OSBPL9: variants seen among roughly 807,000 people sequenced by gnomAD.
OSBPL9 encodes oxysterol-binding protein-related protein 9.
A neutral mutation model predicts 106.6 loss-of-function variants in OSBPL9; 40 were observed. The ratio of observed to expected loss-of-function variants is 0.38; its 90% confidence interval spans 0.29 to 0.49. The LOEUF is 0.49. Ranked by LOEUF, OSBPL9 falls within the 20% of genes least tolerant of loss-of-function variation. The pLI is 0.97. For missense variants in OSBPL9, 609 were observed against 887.2 expected (o/e 0.69, Z 3.98); for synonymous variants, 269 against 295.4 (o/e 0.91, Z 0.92).
At chr1:51,646,554 T>C (rs1646166678) in intron 1 of OSBPL9, among the ~76,000 whole-genome samples, 1 of 152,198 alleles carries the variant, frequency 6.6e-6, no homozygotes, top group Non-Finnish European at 1.5e-5. Flanking sequence ...TTGTTGTTTT[T>C]TGTTTTTGAG....
intron 15 of OSBPL9, among the ~76,000 whole-genome samples, chr1:51,779,038 C>G (rs1675704946): frequency 6.6e-6 from 1 of 152,070 alleles, no homozygotes; most frequent in Non-Finnish European, 1.5e-5. Context: ...ATACTAGAAA[C>G]CAGAAGCAGT....
chr1:51,765,019 C>A (rs999816920), intron 11 of OSBPL9, among the ~76,000 whole-genome samples: 1 of 152,114 alleles, frequency 6.6e-6, no homozygotes, highest in East Asian at 1.9e-4. Flanking sequence ...GACTGACAGC[C>A]CTTAAATGCT....
At chr1:51,522,535 C>G in the OSBPL9 span, among the ~76,000 whole-genome samples, 1 of 152,092 alleles carries the variant, frequency 6.6e-6, no homozygotes, top group African/African-American at 2.4e-5. Context: ...TAATGACAAA[C>G]CAATGACAAT....
intron 15 of OSBPL9, among the ~76,000 whole-genome samples, chr1:51,778,217 C>T (rs146664965): frequency 2.2e-4 from 34 of 152,194 alleles, no homozygotes; most frequent in Admixed American, 9.8e-4. Flanking sequence ...CATACAAATA[C>T]TCCATTAATT....
At chr1:51,706,656 T>TTA (rs200805696) in intron 3 of OSBPL9, among the ~76,000 whole-genome samples, 137 of 150,032 alleles carry the variant, frequency 9.1e-4, no homozygotes, top group Middle Eastern at 3.5e-3. Context: ...CTTTTTGCTT[T>TTA]TATATATATA....
chr1:51,537,583 G>T, the OSBPL9 span, among the ~76,000 whole-genome samples: 3 of 152,076 alleles, frequency 2.0e-5, no homozygotes, highest in South Asian at 4.1e-4. Flanking sequence ...CAGAGACAGG[G>T]TCTCACTCTG....
At chr1:51,563,528 A>G in the OSBPL9 span, 1 of 152,296 alleles carries the variant, frequency 6.6e-6, no homozygotes, top group Non-Finnish European at 1.5e-5. Context: ...GGAAGGGAAG[A>G]TGACCACAGG....
At chr1:51,759,176 G>C (rs1286524724) in intron 9 of OSBPL9, among the ~76,000 whole-genome samples, 2 of 151,198 alleles carry the variant, frequency 1.3e-5, no homozygotes, top group African/African-American at 4.9e-5. Context: ...TCATTTTTCA[G>C]TTAAAGTATT....
At chr1:51,748,753 C>T (rs1668566897) in intron 7 of OSBPL9, among the ~76,000 whole-genome samples, 1 of 152,208 alleles carries the variant, frequency 6.6e-6, no homozygotes, top group Admixed American at 6.5e-5. Context: ...CAGGTCTCAA[C>T]TCCTGGGCTC....
At chr1:51,754,162 TCA>T (rs1427769993) in intron 8 of OSBPL9, among the ~76,000 whole-genome samples, 5 of 152,190 alleles carry the variant, frequency 3.3e-5, no homozygotes, top group Admixed American at 3.3e-4. Flanking sequence ...TTAACCAGTA[TCA>T]CAGTCAGGTG....
chr1:51,765,881 C>G lies in OSBPL9; in HGVS notation c.838C>G (p.Pro280Ala), dbSNP rs1281814685. ...LTSPSHVNLSPNTVPEFSYSS... is the reference protein window; with the variant it reads ...LTSPSHVNLSANTVPEFSYSS... ...TTCTCCAAGCCACGTGAACTTGTCT[C>G]CAAATACAGTCCCAGAGTTCTCTTA... is the stretch of plus-strand genomic sequence containing the variant. Residue 280 changes from proline to alanine, a missense_variant, in exon 12 of 24, where the codon CCA (proline) becomes GCA (alanine). Pro to Ala is a conservative substitution (Grantham distance 27, BLOSUM62 -1). Transcript: ENST00000428468. The G allele has an allele frequency of 1.2e-6, 2 of 1,614,058 alleles. No individual in the cohort carries two copies. The highest frequency in any genetic ancestry group is 2.2e-5 in the South Asian group (2 of 91,072).
chr1:51,636,196 CG>C (rs1274685364), intron 1 of OSBPL9, among the ~76,000 whole-genome samples: 1 of 101,486 alleles, frequency 9.9e-6, no homozygotes, highest in African/African-American at 3.8e-5. Context: ...GGTCTTGCTT[CG>C]TTATCCAGGC....
At chr1:51,713,321 TG>T in intron 3 of OSBPL9, among the ~76,000 whole-genome samples, 1 of 152,124 alleles carries the variant, frequency 6.6e-6, no homozygotes, top group Middle Eastern at 3.4e-3. Flanking sequence ...GGCTAATTTT[TG>T]TATTTTTAGT....
the OSBPL9 span, among the ~76,000 whole-genome samples, chr1:51,543,895 A>G: frequency 6.6e-6 from 1 of 152,226 alleles, no homozygotes; most frequent in South Asian, 2.1e-4. Flanking sequence ...ATGCCCACTC[A>G]TTATTCTCAA....
At chr1:51,563,189 G>A in the OSBPL9 span, among the ~76,000 whole-genome samples, 4 of 152,174 alleles carry the variant, frequency 2.6e-5, no homozygotes, top group Non-Finnish European at 4.4e-5. Flanking sequence ...CAGCCTGGGT[G>A]ACAGAGCAAC....
At chr1:51,681,661 A>G (rs1010116586) in intron 3 of OSBPL9, among the ~76,000 whole-genome samples, 1 of 152,116 alleles carries the variant, frequency 6.6e-6, no homozygotes, top group Non-Finnish European at 1.5e-5. Flanking sequence ...TGATCCAGCA[A>G]TTCCACTACT....
At chr1:51,723,995 G>T (rs1035395297) in intron 4 of OSBPL9, among the ~76,000 whole-genome samples, 5 of 152,124 alleles carry the variant, frequency 3.3e-5, no homozygotes, top group African/African-American at 1.2e-4. Context: ...CGCCCAGGCT[G>T]CCATACAGTG....
At chr1:51,616,983 A>G, upstream of OSBPL9, 1 of 1,484,686 alleles carries the variant, frequency 6.7e-7, no homozygotes, top group Non-Finnish European at 8.9e-7. Context: ...TGATCGCTGG[A>G]GCATCTGCCG....
chr1:51,534,865 A>G, the OSBPL9 span, among the ~76,000 whole-genome samples: 1 of 152,204 alleles, frequency 6.6e-6, no homozygotes, highest in Non-Finnish European at 1.5e-5. Flanking sequence ...CTATAAAACG[A>G]AGGGGCTCTA....
Sources: gnomAD v4.1 joint callset for allele counts (sites outside exome capture counted in the v4.1 genomes callset) on GRCh38, gnomAD v4.1.1 for gene constraint, MANE v1.5 for transcripts, NCBI Gene and HGNC (gene_info 2026-07-23, HGNC 2026-07-21) for gene names.